Variants in ITGA2 observed in about 807,000 individuals in gnomAD.
The protein encoded by ITGA2 is integrin alpha-2.
ITGA2 carries 101 observed loss-of-function variants against 146.3 expected under a neutral mutation model. The observed-to-expected ratio is 0.69, with a 90% CI of 0.59 to 0.81. The LOEUF is 0.81. Ranked by LOEUF, ITGA2 falls within the 40% of genes least tolerant of loss-of-function variation. The probability of loss-of-function intolerance (pLI) is 0.00; values close to 1 mark genes in which losing one functional copy is unlikely to be tolerated. For synonymous variants in ITGA2, 477 were observed against 487.1 expected (o/e 0.98, Z 0.27); for missense variants, 1,281 against 1,402.7 (o/e 0.91, Z 1.39).
chr5:53,052,081 C>T (rs891474200), intron 7 of ITGA2, among the ~76,000 whole-genome samples: 4 of 152,034 alleles, frequency 2.6e-5, no homozygotes, highest in Non-Finnish European at 5.9e-5. Context: ...TTTCTTTTCA[C>T]TCTATTTTTT....
intron 1 of ITGA2, among the ~76,000 whole-genome samples, chr5:53,004,297 T>A (rs1741722441): frequency 6.6e-6 from 1 of 152,206 alleles, no homozygotes; most frequent in Non-Finnish European, 1.5e-5. Context: ...TCCCATCATT[T>A]TTCTGAGTAA....
chr5:53,074,985 G>A (rs1251641383), intron 21 of ITGA2, 76 bp from the exon 22 acceptor site: 3 of 981,126 alleles, frequency 3.1e-6, no homozygotes, highest in African/African-American at 1.6e-5. Context: ...TTACTTTTAT[G>A]AGAAACATTT....
intron 1 of ITGA2, among the ~76,000 whole-genome samples, chr5:52,999,642 G>A (rs1452835854): frequency 1.3e-5 from 2 of 151,998 alleles, no homozygotes; most frequent in Non-Finnish European, 2.9e-5. Flanking sequence ...GGAACACTGA[G>A]CATGGTGAAT....
At chr5:53,025,667 C>G (rs765843790) in intron 1 of ITGA2, among the ~76,000 whole-genome samples, 3 of 152,230 alleles carry the variant, frequency 2.0e-5, no homozygotes, top group Non-Finnish European at 4.4e-5. Context: ...ATATGAAATA[C>G]CATGCACTTG....
At chr5:53,043,225 CA>C in intron 3 of ITGA2, among the ~76,000 whole-genome samples, 1 of 150,966 alleles carries the variant, frequency 6.6e-6, no homozygotes, top group East Asian at 1.9e-4. Flanking sequence ...TCTAATAACA[CA>C]AATATATACA....
At chr5:53,081,272 G>A (rs1480733728) in intron 25 of ITGA2, among the ~76,000 whole-genome samples, 1 of 152,094 alleles carries the variant, frequency 6.6e-6, no homozygotes, top group Non-Finnish European at 1.5e-5. Flanking sequence ...GTGCATAGGA[G>A]GCTACAGAAA....
At chr5:53,060,797 C>T (rs1744869411) in intron 11 of ITGA2, 104 bp from the exon 12 acceptor site, 6 of 1,096,486 alleles carry the variant, frequency 5.5e-6, no homozygotes, top group South Asian at 3.8e-5. Context: ...AACTTTGCAT[C>T]ACATCTAACA....
intron 1 of ITGA2, among the ~76,000 whole-genome samples, chr5:52,998,177 G>C (rs558486510): frequency 6.6e-6 from 1 of 152,068 alleles, no homozygotes; most frequent in East Asian, 1.9e-4. Context: ...CTTTTTAAAA[G>C]TGAAGTCCCA....
At position 53,090,778 on chromosome 5, in the gene ITGA2, A is replaced by AGGGGGGG; in HGVS notation, c.*181_*182insGGGGGGG. 5.3e-5 allele frequency: 7 copies of AGGGGGGG among 131,614 alleles called. No homozygotes were observed. Among genetic ancestry groups the AGGGGGGG allele is most frequent in the South Asian group, 1.2e-4 (1 of 8,514 alleles). The allele number at this position is 131,614 out of a possible 1,614,324, so 8.2% of individuals were successfully genotyped here. On this transcript the variant is annotated 3_prime_UTR_variant, in exon 30 of 30. Coordinates refer to ENST00000296585, the MANE Select transcript of ITGA2 (RefSeq NM_002203.4). ...ATGAAGAAATTGTGGGGGGTGGGGGAGGTGCGGGGGGCAGGTAGGGAAATA... is the reference window on the plus strand; with the variant it reads ...ATGAAGAAATTGTGGGGGGTGGGGGAGGGGGGGGGTGCGGGGGGCAGGTAGGGAAATA...
intron 17 of ITGA2, 104 bp from the exon 18 acceptor site, chr5:53,071,834 C>T (rs187423182): frequency 3.2e-5 from 26 of 805,270 alleles, no homozygotes; most frequent in Non-Finnish European, 5.6e-5. Context: ...TGACTGTGCT[C>T]TAAATTGTAA....
rs886060657 is a variant in ITGA2, at chr5:53,048,754, G to T, written c.614G>T (p.Gly205Val). 28 of 1,613,700 alleles carry T rather than the reference G, an allele frequency of 1.7e-5. No homozygotes were observed. The highest frequency in any genetic ancestry group is 2.4e-5 in the Non-Finnish European group (28 of 1,179,848). Residue 205 changes from glycine to valine, a missense_variant, in exon 6 of 30, where the codon GGC (glycine) becomes GTC (valine). By Grantham distance (109) the Gly-to-Val change is moderately radical. Coordinates refer to ENST00000296585, the MANE Select transcript of ITGA2 (RefSeq NM_002203.4). ...AAATTTGTACAAGGCCTGGATATAG[G>T]CCCCACAAAGACACAGGTATGGCTA... ...LEKFVQGLDI[G>V]PTKTQVGLIQ...
chr5:53,083,214 C>T, intron 26 of ITGA2, 126 bp from the exon 27 acceptor site: 1 of 691,070 alleles, frequency 1.4e-6, no homozygotes, highest in Non-Finnish European at 2.6e-6. Flanking sequence ...ACTAATAGCT[C>T]ATGAGATTGC....
chr5:53,094,196 A>AATTATATAAACAACTTTGTAGGACT lies in ITGA2; in HGVS notation c.*3599_*3600insTATATAAACAACTTTGTAGGACTAT, dbSNP rs57674800. 53,489 of 152,000 alleles carry AATTATATAAACAACTTTGTAGGACT rather than the reference A, an allele frequency of 0.35. 9,520 individuals carry two copies. The highest frequency in any genetic ancestry group is 0.41 in the Admixed American group (6,272 of 15,272). 9.4% of individuals were successfully genotyped at this position (152,000 alleles called of 1,614,324 possible). On this transcript the variant is annotated 3_prime_UTR_variant, in exon 30 of 30. Coordinates refer to ENST00000296585, the MANE Select transcript of ITGA2 (RefSeq NM_002203.4). ...ATATTTCAATTTGCACACATAAAAC[A>AATTATATAAACAACTTTGTAGGACT]ATGCCCTTTTGTGTACATTCAGGCA...
chr5:52,993,104 A>G (rs1482533774), intron 1 of ITGA2, among the ~76,000 whole-genome samples: 3 of 152,184 alleles, frequency 2.0e-5, no homozygotes, highest in African/African-American at 7.2e-5. Flanking sequence ...AGAAGGGTCA[A>G]TCCCAAGCAA....
Position 53,078,787 on chromosome 5 carries a change from T to A in ITGA2, c.2841T>A (p.Asn947Lys), listed in dbSNP as rs1745773941. The change falls in exon 24 of 30, where the codon AAT becomes AAA. Residue 947 changes from asparagine to lysine, a missense_variant. Around this residue, in one of 3 missense-constraint regions of ITGA2, gnomAD observed 475 missense variants for 530.5 expected, o/e 0.90. Coordinates refer to ENST00000296585, the MANE Select transcript of ITGA2 (RefSeq NM_002203.4). The stretch of plus-strand genomic sequence containing the variant: ...CATCCAACAGATCTACCAACATAAA[T>A]TTTTATGAAATCTCTTCGGATGGGA... The part of the protein sequence containing the change: ...EIHLTRSTNI[N>K]FYEISSDGNV... 6.2e-7 allele frequency: 1 copy of A among 1,607,566 alleles called. No individual in the cohort carries two copies. Among genetic ancestry groups the A allele is most frequent in the Non-Finnish European group, 8.5e-7 (1 of 1,174,694 alleles).
chr5:53,024,875 G>T (rs1460093322), intron 1 of ITGA2, among the ~76,000 whole-genome samples: 1 of 152,134 alleles, frequency 6.6e-6, no homozygotes, highest in Non-Finnish European at 1.5e-5. Context: ...GAGGACATTG[G>T]ATTTTATTCT....
intron 1 of ITGA2, among the ~76,000 whole-genome samples, chr5:53,008,737 T>C (rs1741978509): frequency 6.6e-6 from 1 of 152,154 alleles, no homozygotes; most frequent in Non-Finnish European, 1.5e-5. Context: ...AAGATTTCCG[T>C]GAACTCCCAG....
At chr5:53,010,282 G>A (rs1742059017) in intron 1 of ITGA2, among the ~76,000 whole-genome samples, 3 of 152,214 alleles carry the variant, frequency 2.0e-5, no homozygotes, top group Admixed American at 2.0e-4. Flanking sequence ...AGAGGCCAGA[G>A]GAGCTGTTGA....
chr5:53,029,378 C>T (rs1294532849), intron 2 of ITGA2, among the ~76,000 whole-genome samples: 5 of 152,196 alleles, frequency 3.3e-5, no homozygotes, highest in African/African-American at 1.2e-4. Flanking sequence ...TACACCTTCT[C>T]CTCTGCTTTC....
Sources: gnomAD v4.1 joint callset for allele counts (sites outside exome capture counted in the v4.1 genomes callset) on GRCh38, gnomAD v4.1.1 for gene constraint, gnomAD v4.1.1 regional missense constraint, MANE v1.5 for transcripts, NCBI Gene and HGNC (gene_info 2026-07-23, HGNC 2026-07-21) for gene names.